PTGES3L: variants seen among roughly 807,000 people sequenced by gnomAD.
PTGES3L encodes the protein putative protein PTGES3L.
PTGES3L carries 17 observed loss-of-function variants against 25.0 expected under a neutral mutation model. The ratio of observed to expected loss-of-function variants is 0.68; its 90% CI spans 0.47 to 1.02. The LOEUF is 1.02. PTGES3L is among the 50% of genes least tolerant of loss of function. The pLI, the probability that PTGES3L is intolerant of heterozygous loss-of-function variation, is 0.00. For synonymous variants in PTGES3L, 59 were observed against 65.7 expected (o/e 0.90, Z 0.50); for missense variants, 202 against 197.5 (o/e 1.02, Z -0.14).
Position 42,970,323 on chromosome 17 carries a change from G to A in PTGES3L, c.398C>T (p.Thr133Ile). ...HYAELLKKVS[T>I]KRPPPAMDDL... is the part of the protein sequence containing the mutation. ...ATCCATGGCAGGTGGAGGTCTCTTG[G>A]TGCTGACCTTCTTCAAAAGCTAGTG... Residue 133 changes from threonine (T) to isoleucine (I), a missense_variant, in exon 6 of 7, where the codon ACC (threonine) becomes ATC (isoleucine). Transcript: ENST00000591916. The A allele has an allele frequency of 3.1e-6, 5 of 1,613,920 alleles. No homozygotes were observed. Among genetic ancestry groups the A allele is most frequent in the Non-Finnish European group, 4.2e-6 (5 of 1,179,898 alleles).
At position 42,968,919 on chromosome 17, in the gene PTGES3L, C is replaced by T. The variant is rs1488563554; in HGVS notation, c.*229G>A. ...ACCAATCAGTAAGAAATCAGAAGCC[C>T]TACCAGTCTACCCCTCCCCGACCCT... On this transcript the variant is annotated 3_prime_UTR_variant, in exon 7 of 7. Coordinates refer to ENST00000591916, the MANE Select transcript of PTGES3L (RefSeq NM_001261430.2). The T allele has an allele frequency of 2.1e-6, 1 of 482,402 alleles. No homozygotes were observed. Among genetic ancestry groups the T allele is most frequent in the South Asian group, 4.2e-5 (1 of 23,954 alleles). 29.9% of individuals were successfully genotyped at this position (482,402 alleles called of 1,614,324 possible).
intron 4 of PTGES3L, among the ~76,000 whole-genome samples, chr17:42,973,154 G>A (rs1169615685): frequency 3.4e-5 from 5 of 147,690 alleles, no homozygotes; most frequent in Non-Finnish European, 4.5e-5. Flanking sequence ...AGTGAGGAGC[G>A]TCTCTGCCCA....
rs368287787 is a variant in PTGES3L at position 42,979,494 on chromosome 17, A to G, written c.123-50T>C. The G allele has an allele frequency of 8.7e-5, 141 of 1,614,158 alleles. No individual in the cohort carries two copies. In the African/African-American group the frequency reaches 1.7e-3, roughly 20 times the overall value. Reference sequence around the variant, plus strand: ...GATGCGGAATACTCCGTGTGGGGACATTAGGAAAGGGGTAGATTCCTGGGA... The same window carrying G: ...GATGCGGAATACTCCGTGTGGGGACGTTAGGAAAGGGGTAGATTCCTGGGA... On this transcript the variant is annotated intron_variant, in intron 2 of 6. Coordinates refer to ENST00000591916, the MANE Select transcript of PTGES3L (RefSeq NM_001261430.2).
rs771621641 is a variant in PTGES3L at position 42,979,277 on chromosome 17, TAGAG to T, written c.190-13_190-10del. On this transcript the variant is annotated splice_polypyrimidine_tract_variant and intron_variant, in intron 3 of 6. Coordinates refer to ENST00000591916, the MANE Select transcript of PTGES3L (RefSeq NM_001261430.2). ...CGCTTATCCTGGGAGTCCTGCCAGA[TAGAG>T]AGCCTCATTCTTAGGGTCTGGGGTT... The T allele has an allele frequency of 6.2e-6, 10 of 1,614,084 alleles. No homozygotes were observed. Among genetic ancestry groups the T allele is most frequent in the South Asian group, 2.2e-5 (2 of 91,084 alleles).
intron 4 of PTGES3L, among the ~76,000 whole-genome samples, chr17:42,977,668 G>GCAGA (rs2049982050): frequency 7.1e-6 from 1 of 139,992 alleles, no homozygotes; most frequent in African/African-American, 2.8e-5. Flanking sequence ...AGGAAGGGAG[G>GCAGA]GAGAGAGAGA....
intron 5 of PTGES3L, 40 bp downstream of exon 5, chr17:42,971,567 A>C: frequency 5.6e-6 from 9 of 1,609,676 alleles, no homozygotes; most frequent in African/African-American, 1.3e-5. Flanking sequence ...AACACAAAGA[A>C]TGATCAAGTG....
intron 4 of PTGES3L, among the ~76,000 whole-genome samples, chr17:42,974,156 T>A (rs1403013682): frequency 6.7e-6 from 1 of 149,398 alleles, no homozygotes; most frequent in Non-Finnish European, 1.5e-5. Flanking sequence ...AGGTCAGGAG[T>A]TCGAGACCAG....
intron 4 of PTGES3L, among the ~76,000 whole-genome samples, chr17:42,973,153 C>T (rs2049881303): frequency 6.8e-6 from 1 of 146,564 alleles, no homozygotes; most frequent in African/African-American, 2.5e-5. Context: ...AAGTGAGGAG[C>T]GTCTCTGCCC....
chr17:42,978,090 A>AAAAG (rs1379672208), intron 4 of PTGES3L, among the ~76,000 whole-genome samples: 1 of 150,228 alleles, frequency 6.7e-6, no homozygotes, highest in Admixed American at 6.6e-5. Flanking sequence ...AAAAAAAAAA[A>AAAAG]AAAAAAAAAA....
intron 4 of PTGES3L, among the ~76,000 whole-genome samples, chr17:42,977,970 C>T (rs1179358874): frequency 2.0e-5 from 3 of 150,972 alleles, no homozygotes; most frequent in African/African-American, 4.9e-5. Flanking sequence ...CACAGCTACT[C>T]GGGAGACTGA....
chr17:42,978,606 TA>T (rs1311131195), intron 4 of PTGES3L, among the ~76,000 whole-genome samples: 1 of 152,100 alleles, frequency 6.6e-6, no homozygotes, highest in Non-Finnish European at 1.5e-5. Flanking sequence ...ATGCAGGACT[TA>T]AAACCTGCAT....
chr17:42,969,594 G>A (rs992373889), intron 6 of PTGES3L, among the ~76,000 whole-genome samples: 6 of 151,498 alleles, frequency 4.0e-5, no homozygotes, highest in East Asian at 3.9e-4. Context: ...TAGAGACAGG[G>A]TTTTGCCCTG....
chr17:42,978,830 A>G lies in PTGES3L; in HGVS notation c.288+340T>C, dbSNP rs575864558. Among the ~76,000 whole-genome samples, 4 of 152,098 alleles carry G rather than the reference A, an allele frequency of 2.6e-5. No individual in the cohort carries two copies. The East Asian group carries it at 7.7e-4, about 29-fold the overall frequency. Reference sequence around the variant, plus strand: ...AGCCTGAGCAACAAGGAGAAACCCCATCTCTACTAAAAATACAAAATTAGC... The same window carrying G: ...AGCCTGAGCAACAAGGAGAAACCCCGTCTCTACTAAAAATACAAAATTAGC... On this transcript the variant is annotated intron_variant, in intron 4 of 6. Coordinates refer to ENST00000591916, the MANE Select transcript of PTGES3L (RefSeq NM_001261430.2).
chr17:42,972,478 A>G (rs1025102309), intron 4 of PTGES3L, among the ~76,000 whole-genome samples: 2 of 151,602 alleles, frequency 1.3e-5, no homozygotes, highest in Non-Finnish European at 1.5e-5. Context: ...GATTGCAGGC[A>G]CGCACCGCCA....
chr17:42,980,045 C>T lies in PTGES3L; in HGVS notation c.8+1G>A. 2 of 1,550,244 alleles carry T rather than the reference C, an allele frequency of 1.3e-6. No homozygotes were observed. Among genetic ancestry groups the T allele is most frequent in the Admixed American group, 2.0e-5 (1 of 50,904 alleles). ...GGAGCACCGGAGCCGGAAACACTCA[C>T]CGTGCCATTGCGGCTCCCGCTCCAG... On this transcript the variant is annotated splice_donor_variant, in intron 1 of 6. Coordinates refer to ENST00000591916, the MANE Select transcript of PTGES3L (RefSeq NM_001261430.2). LOFTEE classifies it high-confidence loss of function.
chr17:42,978,272 G>A (rs2049999511), intron 4 of PTGES3L, among the ~76,000 whole-genome samples: 1 of 151,260 alleles, frequency 6.6e-6, no homozygotes, highest in South Asian at 2.1e-4. Flanking sequence ...CCAGGCGTGG[G>A]GGCACAAGCC....
rs545765587 is a variant in PTGES3L at position 42,968,538 on chromosome 17, A to C, written c.*610T>G. On this transcript the variant is annotated 3_prime_UTR_variant, in exon 7 of 7. Transcript: ENST00000591916. ...AGAGCAAGACTCCATCTCGGAAAAA[A>C]AAAAAAAAAGTATAAAGAGATTTCT... 1 of 152,242 alleles carries C rather than the reference A, an allele frequency of 6.6e-6. No individual in the cohort carries two copies. Among genetic ancestry groups the C allele is most frequent in the East Asian group, 1.9e-4 (1 of 5,204 alleles). The allele number at this position is 152,242 out of a possible 1,614,324, so 9.4% of individuals were successfully genotyped here. A position where few individuals can be genotyped will look rare whatever the true frequency, so the allele number is the denominator to read the frequency against.
chr17:42,973,234 A>G (rs2151949159), intron 4 of PTGES3L, among the ~76,000 whole-genome samples: 1 of 146,434 alleles, frequency 6.8e-6, no homozygotes, highest in Non-Finnish European at 1.5e-5. Context: ...CCCGTCCGGG[A>G]GGGAGGTGGG....
intron 5 of PTGES3L, among the ~76,000 whole-genome samples, chr17:42,970,674 GCGCA>G (rs916398656): frequency 5.7e-5 from 6 of 105,606 alleles, no homozygotes; most frequent in Admixed American, 1.2e-4. Context: ...GGCTTAACAC[GCGCA>G]CACACACACA....
Sources: gnomAD v4.1 joint callset for allele counts (sites outside exome capture counted in the v4.1 genomes callset) on GRCh38, gnomAD v4.1.1 for gene constraint, MANE v1.5 for transcripts, NCBI Gene and HGNC (gene_info 2026-07-23, HGNC 2026-07-21) for gene names.